Variants in JPT2 observed in about 807,000 individuals in gnomAD.
JPT2 encodes the protein Jupiter microtubule associated homolog 2, also known as CRAMP_1 like.
JPT2 carries 9 observed loss-of-function variants against 15.9 expected under a neutral mutation model. The ratio of observed to expected loss-of-function variants is 0.57; its 90% confidence interval spans 0.34 to 0.99. JPT2 has a LOEUF of 0.99. Ranked by LOEUF, JPT2 falls within the 50% of genes least tolerant of loss-of-function variation. The probability of loss-of-function intolerance (pLI) is 0.02; values close to 1 mark genes in which losing one functional copy is unlikely to be tolerated. For missense variants in JPT2, 267 were observed against 252.1 expected (o/e 1.06, Z -0.40); for synonymous variants, 95 against 91.7 (o/e 1.04, Z -0.21).
At chr16:1,684,667 G>A (rs2037051103) in intron 1 of JPT2, among the ~76,000 whole-genome samples, 1 of 152,146 alleles carries the variant, frequency 6.6e-6, no homozygotes, top group African/African-American at 2.4e-5. Flanking sequence ...TTGAACCCAG[G>A]AGGCGGAGGT....
chr16:1,683,071 G>A (rs368936016), intron 1 of JPT2, among the ~76,000 whole-genome samples: 9 of 152,256 alleles, frequency 5.9e-5, no homozygotes, highest in East Asian at 1.9e-4. Context: ...CCGCCTCCCG[G>A]GTTCACGCCA....
chr16:1,678,560 C>T (rs1470902121), intron 1 of JPT2, among the ~76,000 whole-genome samples: 1 of 152,084 alleles, frequency 6.6e-6, no homozygotes, highest in East Asian at 1.9e-4. Flanking sequence ...TCGCTGAGGC[C>T]CGGGCTGTGG....
chr16:1,687,377 A>G (rs959174570), intron 2 of JPT2, among the ~76,000 whole-genome samples: 1 of 152,160 alleles, frequency 6.6e-6, no homozygotes, highest in Non-Finnish European at 1.5e-5. Flanking sequence ...AGTGACTAAC[A>G]TTCTCGTTGT....
chr16:1,692,317 C>T, intron 3 of JPT2: 2 of 311,570 alleles, frequency 6.4e-6, no homozygotes, highest in South Asian at 8.8e-5. Flanking sequence ...GAGCTGGGCC[C>T]TTGTCCGTCT....
At chr16:1,678,440 G>T in intron 1 of JPT2, 84 bp downstream of exon 1, 1 of 1,097,062 alleles carries the variant, frequency 9.1e-7, no homozygotes, top group Non-Finnish European at 1.1e-6. Context: ...CACCAGCCGT[G>T]TGGGGTTGGG....
chr16:1,686,879 CAG>C (rs2037070657), intron 2 of JPT2, among the ~76,000 whole-genome samples: 1 of 152,122 alleles, frequency 6.6e-6, no homozygotes, highest in Admixed American at 6.5e-5. Flanking sequence ...GGTCATGAAT[CAG>C]AGCCAGATCC....
intron 1 of JPT2, among the ~76,000 whole-genome samples, chr16:1,682,110 T>G (rs918614726): frequency 3.3e-5 from 5 of 152,250 alleles, no homozygotes; most frequent in African/African-American, 1.2e-4. Context: ...GCACAGTGGC[T>G]CACGCCTGTA....
chr16:1,691,922 C>G lies in JPT2; in HGVS notation c.273C>G (p.Thr91=). Residue 91 remains threonine (T), a synonymous_variant, in exon 3 of 5, where the codon ACC becomes ACG. Coordinates refer to ENST00000248098, the MANE Select transcript of JPT2 (RefSeq NM_144570.3). The part of the protein sequence containing the change: ...RQHLNPPGGK[T]SDIFGSPVTA... ...ACCTGAACCCACCTGGAGGGAAGAC[C>G]AGCGACATTTTTGGGTCTCCGGTCA... 6.2e-7 allele frequency: 1 copy of G among 1,614,146 alleles called. No individual in the cohort carries two copies. The highest frequency in any genetic ancestry group is 8.5e-7 in the Non-Finnish European group (1 of 1,180,022).
At chr16:1,685,145 G>A (rs1386980483) in intron 1 of JPT2, among the ~76,000 whole-genome samples, 2 of 151,884 alleles carry the variant, frequency 1.3e-5, no homozygotes, top group Non-Finnish European at 2.9e-5. Flanking sequence ...TTGGCAACAT[G>A]GCAAAACCCT....
rs2037128337 is a variant in JPT2, at chr16:1,694,685, A to G, written c.336+2700A>G. On this transcript the variant is annotated intron_variant, in intron 3 of 4. Coordinates refer to ENST00000248098, the MANE Select transcript of JPT2 (RefSeq NM_144570.3). ...GAGAACTGAGAAATAAAGCCTTCCA[A>G]AGGGCTTTTTTTTTTTTCACAAGGG... Among the ~76,000 whole-genome samples, 4 of 152,020 alleles carry G rather than the reference A, an allele frequency of 2.6e-5. No homozygotes were observed. The South Asian group carries it at 8.3e-4, about 31-fold the overall frequency.
intron 1 of JPT2, chr16:1,680,673 C>G (rs549633806): frequency 2.0e-4 from 39 of 195,668 alleles, no homozygotes; most frequent in Non-Finnish European, 3.3e-4. Context: ...CCTGAGACCT[C>G]ACATCTCTCC....
At chr16:1,690,748 A>G (rs1192462307) in intron 2 of JPT2, among the ~76,000 whole-genome samples, 1 of 152,242 alleles carries the variant, frequency 6.6e-6, no homozygotes, top group African/African-American at 2.4e-5. Flanking sequence ...AAAACACTGC[A>G]TGCTATATGG....
chr16:1,679,579 C>T (rs1021976234), intron 1 of JPT2, among the ~76,000 whole-genome samples: 1 of 151,332 alleles, frequency 6.6e-6, no homozygotes, highest in East Asian at 2.0e-4. Context: ...TGCCTGTAGT[C>T]CCAGCTACTT....
At chr16:1,691,782 T>A in intron 2 of JPT2, 61 bp from the exon 3 acceptor site, 1 of 1,100,804 alleles carries the variant, frequency 9.1e-7, no homozygotes. Flanking sequence ...ACTGCGGGGG[T>A]GGGGTGGGGT....
chr16:1,688,939 A>G (rs2037086306), intron 2 of JPT2: 1 of 152,222 alleles, frequency 6.6e-6, no homozygotes, highest in South Asian at 2.1e-4. Context: ...TTTAGTACCT[A>G]TTGCACGTAT....
At chr16:1,678,467 G>T in intron 1 of JPT2, 111 bp downstream of exon 1, 1 of 1,066,190 alleles carries the variant, frequency 9.4e-7, no homozygotes. Context: ...TTGGGGGGCA[G>T]GGCGACCTCA....
At chr16:1,679,298 A>G (rs1404208176) in intron 1 of JPT2, among the ~76,000 whole-genome samples, 1 of 152,244 alleles carries the variant, frequency 6.6e-6, no homozygotes, top group African/African-American at 2.4e-5. Context: ...GTTAAGACCA[A>G]TACTATATTG....
Position 1,698,748 on chromosome 16 carries a change from G to A in JPT2, c.386-63G>A. 1.0e-5 allele frequency: 15 copies of A among 1,501,868 alleles called. No individual in the cohort carries two copies. Among genetic ancestry groups the A allele is most frequent in the Non-Finnish European group, 1.3e-5 (15 of 1,118,162 alleles). The allele number at this position is 1,501,868 out of a possible 1,614,324, so 93.0% of individuals were successfully genotyped here. On this transcript the variant is annotated intron_variant, in intron 4 of 4. Transcript: ENST00000248098. This position sits in a 1 kb window ranked among gnomAD's most constrained non-coding sequence, Gnocchi z 4.9. ...CTATGACACACTTTTTATTTCCACAGCCTGCCTGTCAGGGTCATGGGTTGC... is the reference window on the plus strand; with the variant it reads ...CTATGACACACTTTTTATTTCCACAACCTGCCTGTCAGGGTCATGGGTTGC...
Position 1,678,330 on chromosome 16 carries a change from T to G in JPT2, c.18T>G (p.Asp6Glu), listed in dbSNP as rs1567466852. Residue 6 changes from aspartate (D) to glutamate (E), a missense_variant, in exon 1 of 5, where the codon GAT (aspartate) becomes GAG (glutamate). Transcript: ENST00000248098. MFQVP[D>E]SEGGRAGSRA... ...CGGTCGACATGTTCCAGGTCCCGGA[T>G]AGCGAGGGCGGCCGCGCCGGCTCCA... 4 of 1,235,932 alleles carry G rather than the reference T, an allele frequency of 3.2e-6. No individual in the cohort carries two copies. Among genetic ancestry groups the G allele is most frequent in the Non-Finnish European group, 2.0e-6 (2 of 987,258 alleles). 76.6% of individuals were successfully genotyped at this position (1,235,932 alleles called of 1,614,324 possible).
Sources: gnomAD v4.1 joint callset for allele counts (sites outside exome capture counted in the v4.1 genomes callset) on GRCh38, gnomAD v4.1.1 for gene constraint, Gnocchi (gnomAD v3.1) non-coding constraint, MANE v1.5 for transcripts, NCBI Gene and HGNC (gene_info 2026-07-23, HGNC 2026-07-21) for gene names.